The following GSTCD variants were observed in gnomAD, a reference collection of about 807,000 sequenced individuals.
GSTCD encodes glutathione S-transferase C-terminal domain containing.
Under a neutral mutation model 68.3 loss-of-function variants are expected in GSTCD, and 44 were observed. The ratio of observed to expected loss-of-function variants is 0.64; its 90% CI spans 0.51 to 0.83. GSTCD has a LOEUF of 0.83. GSTCD is among the 40% of genes least tolerant of loss of function. The pLI is 0.00. For missense variants in GSTCD, 739 were observed against 735.9 expected (o/e 1.00, Z -0.05); for synonymous variants, 273 against 255.2 (o/e 1.07, Z -0.67).
chr4:105,716,777 A>G (rs908120534), intron 1 of GSTCD, among the ~76,000 whole-genome samples: 4 of 152,224 alleles, frequency 2.6e-5, no homozygotes, highest in Non-Finnish European at 4.4e-5. Context: ...ATAACAATCT[A>G]CTTTGGCTGG....
At chr4:105,763,705 A>G (rs1220188108) in intron 5 of GSTCD, among the ~76,000 whole-genome samples, 2 of 152,226 alleles carry the variant, frequency 1.3e-5, no homozygotes, top group Non-Finnish European at 2.9e-5. Context: ...TTAGAAATCT[A>G]AACTATTATG....
Position 105,845,674 on chromosome 4 carries a change from GC to G in GSTCD, c.*99del. ...TTGGCATAACTAGGAAACAGCATTA[GC>G]CATCTTGAACCTATTGTGCTCAGGA... On this transcript the variant is annotated 3_prime_UTR_variant, in exon 12 of 12. Coordinates refer to ENST00000515279, the MANE Select transcript of GSTCD (RefSeq NM_001370181.1). 1 of 1,309,508 alleles carries G rather than the reference GC, an allele frequency of 7.6e-7. No individual in the cohort carries two copies. 81.1% of individuals were successfully genotyped at this position (1,309,508 alleles called of 1,614,324 possible). A position where few individuals can be genotyped will look rare whatever the true frequency, so the allele number is the denominator to read the frequency against.
At chr4:105,743,721 C>T (rs867551672) in intron 5 of GSTCD, among the ~76,000 whole-genome samples, 7 of 138,706 alleles carry the variant, frequency 5.0e-5, no homozygotes, top group Admixed American at 1.6e-4. Context: ...TGCGGTGGCA[C>T]GATCTTGGCT....
chr4:105,810,474 G>C (rs911227319), intron 5 of GSTCD, among the ~76,000 whole-genome samples: 4 of 152,066 alleles, frequency 2.6e-5, no homozygotes, highest in Admixed American at 2.6e-4. Context: ...TTTCAGAGAA[G>C]ATAATGAGGT....
chr4:105,749,898 T>C (rs1733947607), intron 5 of GSTCD, among the ~76,000 whole-genome samples: 1 of 152,108 alleles, frequency 6.6e-6, no homozygotes, highest in Non-Finnish European at 1.5e-5. Flanking sequence ...TGAAATAAAA[T>C]ATTTGCAAAC....
At chr4:105,777,791 C>T (rs1211452569) in intron 5 of GSTCD, among the ~76,000 whole-genome samples, 7 of 152,090 alleles carry the variant, frequency 4.6e-5, no homozygotes, top group Non-Finnish European at 1.0e-4. Flanking sequence ...AAGAAGACAA[C>T]GTTTGTAACA....
At chr4:105,812,628 C>T (rs1422925710) in intron 5 of GSTCD, among the ~76,000 whole-genome samples, 1 of 152,090 alleles carries the variant, frequency 6.6e-6, no homozygotes. Flanking sequence ...TCTGGGTATA[C>T]AATAACCATT....
chr4:105,719,378 C>T lies in GSTCD; in HGVS notation c.745C>T (p.Gln249Ter). The T allele has an allele frequency of 1.2e-6, 2 of 1,614,118 alleles. No homozygotes were observed. Among genetic ancestry groups the T allele is most frequent in the South Asian group, 1.1e-5 (1 of 91,090 alleles). ...LKVAFSKLTV[Q>*]EEPATTNREP... The stretch of plus-strand genomic sequence containing the variant: ...AGTGGCATTCTCAAAGCTCACAGTA[C>T]AGGAAGAACCAGCTACTACCAACAG... The change falls in exon 3 of 12, where the codon CAG (glutamine) becomes TAG (stop). Residue 249 changes from glutamine (Q) to a stop codon, truncating the protein, a stop_gained. Transcript: ENST00000515279. LOFTEE classifies it high-confidence loss of function.
At chr4:105,795,002 G>C (rs1036018939) in intron 5 of GSTCD, among the ~76,000 whole-genome samples, 1 of 151,778 alleles carries the variant, frequency 6.6e-6, no homozygotes, top group Non-Finnish European at 1.5e-5. Flanking sequence ...AGCCTCCTGA[G>C]TAGCTGGGAT....
At chr4:105,822,804 A>C in intron 5 of GSTCD, 150 bp from the exon 6 acceptor site, 1 of 527,374 alleles carries the variant, frequency 1.9e-6, no homozygotes. Flanking sequence ...GTTACATGGA[A>C]TTTATCATTT....
chr4:105,741,584 GGA>G (rs1733632219), intron 5 of GSTCD, among the ~76,000 whole-genome samples: 2 of 152,030 alleles, frequency 1.3e-5, no homozygotes, highest in South Asian at 4.1e-4. Context: ...TCATCGACTT[GGA>G]GACAAAATAA....
intron 1 of GSTCD, among the ~76,000 whole-genome samples, chr4:105,714,004 A>G (rs1732612482): frequency 6.6e-6 from 1 of 151,724 alleles, no homozygotes; most frequent in Non-Finnish European, 1.5e-5. Context: ...AGGCTAAGAT[A>G]TATTCATTAG....
At chr4:105,773,167 T>C (rs1304848547) in intron 5 of GSTCD, among the ~76,000 whole-genome samples, 2 of 152,024 alleles carry the variant, frequency 1.3e-5, no homozygotes, top group African/African-American at 4.8e-5. Context: ...AGTATTCTTT[T>C]ATGGTAGTTT....
chr4:105,833,967 A>C (rs1453974828), intron 8 of GSTCD, among the ~76,000 whole-genome samples: 1 of 152,214 alleles, frequency 6.6e-6, no homozygotes, highest in Admixed American at 6.5e-5. Flanking sequence ...GATATGATTC[A>C]GTTAGTTTTA....
chr4:105,769,083 A>T (rs2149241836), intron 5 of GSTCD, among the ~76,000 whole-genome samples: 1 of 152,262 alleles, frequency 6.6e-6, no homozygotes, highest in South Asian at 2.1e-4. Flanking sequence ...TTAAATGAGA[A>T]AATTATTTTA....
intron 5 of GSTCD, among the ~76,000 whole-genome samples, chr4:105,744,899 T>C (rs1313492861): frequency 6.6e-6 from 1 of 152,228 alleles, no homozygotes; most frequent in Non-Finnish European, 1.5e-5. Context: ...AGGAAATAGA[T>C]GTATGCATGC....
At chr4:105,822,619 G>A (rs1723358746) in intron 5 of GSTCD, among the ~76,000 whole-genome samples, 1 of 151,988 alleles carries the variant, frequency 6.6e-6, no homozygotes, top group Non-Finnish European at 1.5e-5. Flanking sequence ...TTGGACAGTT[G>A]GTTTATGACC....
At chr4:105,775,243 G>A (rs1186290501) in intron 5 of GSTCD, among the ~76,000 whole-genome samples, 1 of 152,064 alleles carries the variant, frequency 6.6e-6, no homozygotes, top group Non-Finnish European at 1.5e-5. Context: ...TATTCTATTA[G>A]CAATTCCTCT....
chr4:105,775,486 A>G (rs1735020343), intron 5 of GSTCD, among the ~76,000 whole-genome samples: 1 of 152,138 alleles, frequency 6.6e-6, no homozygotes, highest in African/African-American at 2.4e-5. Flanking sequence ...TCGTGGATTT[A>G]TCTACCTTTG....
Sources: gnomAD v4.1 joint callset for allele counts (sites outside exome capture counted in the v4.1 genomes callset) on GRCh38, gnomAD v4.1.1 for gene constraint, MANE v1.5 for transcripts, NCBI Gene and HGNC (gene_info 2026-07-23, HGNC 2026-07-21) for gene names.